The following TLK1 variants were observed in gnomAD, a reference collection of about 807,000 sequenced individuals.
The protein encoded by TLK1 is serine/threonine-protein kinase tousled-like 1.
A neutral mutation model predicts 105.3 loss-of-function variants in TLK1; 24 were observed. The observed-to-expected ratio is 0.23, with a 90% CI of 0.17 to 0.32. TLK1 has a LOEUF of 0.32. Among genes scored for constraint, TLK1 ranks in the 10% least tolerant of loss-of-function variants. The probability of loss-of-function intolerance (pLI) is 1.00; values close to 1 mark genes in which losing one functional copy is unlikely to be tolerated. For missense variants in TLK1, 558 were observed against 910.5 expected, an observed-to-expected ratio of 0.61 and a Z score of 4.98; for synonymous variants, 321 against 310.4, an observed-to-expected ratio of 1.03 and a Z score of -0.36.
rs143684570 is a variant in TLK1 at position 171,160,841 on chromosome 2, A to AGGC, written c.-416_-414dup. The AGGC allele has an allele frequency of 0.053, 16,938 of 321,552 alleles. 1,167 individuals carry two copies. Among genetic ancestry groups the AGGC allele is most frequent in the East Asian group, 0.27 (4,700 of 17,728 alleles). The allele number at this position is 321,552 out of a possible 1,614,324, so 19.9% of individuals were successfully genotyped here. On this transcript the variant is annotated 5_prime_UTR_variant, in exon 1 of 21. Coordinates refer to ENST00000431350, the MANE Select transcript of TLK1 (RefSeq NM_012290.5). This position sits in a 1 kb window ranked among gnomAD's most constrained non-coding sequence, Gnocchi z 4.4. Reference sequence around the variant, plus strand: ...GCGTCGGCCCCCGGCGTCGCCCGGGAGGCGGCGGCGGCGGGCTGTGGGTGG... The same window carrying AGGC: ...GCGTCGGCCCCCGGCGTCGCCCGGGAGGCGGCGGCGGCGGCGGGCTGTGGGTGG...
At chr2:171,220,184 C>T (rs1369298694) in intron 1 of TLK1, among the ~76,000 whole-genome samples, 5 of 151,548 alleles carry the variant, frequency 3.3e-5, no homozygotes, top group Non-Finnish European at 7.4e-5. Flanking sequence ...ATAACATTTC[C>T]ATGTAAGATA....
chr2:171,015,411 TACAAACACAC>T (rs1685126729), intron 12 of TLK1, among the ~76,000 whole-genome samples: 3 of 110,572 alleles, frequency 2.7e-5, no homozygotes, highest in African/African-American at 7.2e-5. Flanking sequence ...GCATTTGGAG[TACAAACACAC>T]ACACACACAC....
chr2:171,103,646 TAAC>T (rs1689794206), intron 2 of TLK1, among the ~76,000 whole-genome samples: 1 of 152,226 alleles, frequency 6.6e-6, no homozygotes, highest in Non-Finnish European at 1.5e-5. Context: ...TGTTTCTTGT[TAAC>T]AGCCTGTAGA....
At chr2:171,155,639 G>GT (rs1558972434) in intron 1 of TLK1, 2 of 152,068 alleles carry the variant, frequency 1.3e-5, no homozygotes, top group Non-Finnish European at 2.9e-5. Flanking sequence ...AGCACTCATC[G>GT]TAAGAATCTA....
chr2:171,003,625 G>A (rs1010043541), intron 18 of TLK1, among the ~76,000 whole-genome samples: 3 of 151,864 alleles, frequency 2.0e-5, no homozygotes, highest in African/African-American at 7.3e-5. Flanking sequence ...GAGATTAATT[G>A]CTCGGAGATT....
chr2:171,207,246 A>G (rs1693523533), intron 1 of TLK1, among the ~76,000 whole-genome samples: 1 of 152,276 alleles, frequency 6.6e-6, no homozygotes, highest in Non-Finnish European at 1.5e-5. Context: ...ATGAAAAGAC[A>G]TGGATGAAAC....
chr2:171,087,151 G>T lies in TLK1; in HGVS notation c.259-4299C>A, dbSNP rs186702643. On this transcript the variant is annotated intron_variant, in intron 2 of 20. Transcript: ENST00000431350. ...CAATAAAAATTTGTAATCATATGAAGAAACAAGAAAAAGTGACCCATACTC... is the reference window on the plus strand; with the variant it reads ...CAATAAAAATTTGTAATCATATGAATAAACAAGAAAAAGTGACCCATACTC... Among the ~76,000 whole-genome samples, 4 of 152,210 alleles carry T rather than the reference G, an allele frequency of 2.6e-5. No homozygotes were observed. The East Asian group carries it at 5.8e-4, about 22-fold the overall frequency.
intron 1 of TLK1, among the ~76,000 whole-genome samples, chr2:171,193,698 G>A (rs928590405): frequency 8.1e-6 from 1 of 123,694 alleles, no homozygotes; most frequent in Non-Finnish European, 1.6e-5. Context: ...ACAGCGCCTG[G>A]CATTTTTTTT....
At chr2:171,136,394 CACA>C (rs1469062875) in intron 1 of TLK1, among the ~76,000 whole-genome samples, 1 of 152,130 alleles carries the variant, frequency 6.6e-6, no homozygotes, top group Non-Finnish European at 1.5e-5. Context: ...AGATTAGCTG[CACA>C]ACAACAGGAA....
At chr2:171,042,436 T>C (rs901744386) in intron 11 of TLK1, among the ~76,000 whole-genome samples, 1 of 151,886 alleles carries the variant, frequency 6.6e-6, no homozygotes, top group African/African-American at 2.4e-5. Context: ...TTTGTAAGGA[T>C]AGGGTCTTGC....
chr2:171,128,878 G>T (rs1690978916), intron 1 of TLK1, among the ~76,000 whole-genome samples: 2 of 152,126 alleles, frequency 1.3e-5, no homozygotes, highest in African/African-American at 2.4e-5. Flanking sequence ...TTGAGACACT[G>T]AAAGGTTAAG....
At chr2:171,197,968 CCAGA>C (rs1306863769) in intron 1 of TLK1, among the ~76,000 whole-genome samples, 3 of 152,230 alleles carry the variant, frequency 2.0e-5, no homozygotes, top group Admixed American at 6.5e-5. Context: ...AACAACTGCA[CCAGA>C]CAAAGTTTCC....
intron 1 of TLK1, among the ~76,000 whole-genome samples, chr2:171,129,892 A>G (rs774637701): frequency 1.5e-5 from 2 of 129,530 alleles, no homozygotes; most frequent in Non-Finnish European, 3.4e-5. Context: ...TAACATGGGT[A>G]AAATTCTAAA....
chr2:170,994,328 T>C (rs1683943333), intron 20 of TLK1, among the ~76,000 whole-genome samples: 1 of 152,180 alleles, frequency 6.6e-6, no homozygotes, highest in Non-Finnish European at 1.5e-5. Context: ...TAAGATGCCA[T>C]TTTCAACCAT....
intron 2 of TLK1, among the ~76,000 whole-genome samples, chr2:171,088,805 A>G (rs1349542419): frequency 6.6e-6 from 1 of 152,238 alleles, no homozygotes; most frequent in Non-Finnish European, 1.5e-5. Flanking sequence ...CAAAAATTTC[A>G]CTACCCATAT....
chr2:171,162,534 A>G (rs1209699070), upstream of TLK1, among the ~76,000 whole-genome samples: 1 of 152,200 alleles, frequency 6.6e-6, no homozygotes, highest in African/African-American at 2.4e-5. Flanking sequence ...CGAGACTCCT[A>G]GACTCTGTCT....
intron 2 of TLK1, among the ~76,000 whole-genome samples, chr2:171,112,309 C>T (rs1210432301): frequency 2.0e-5 from 3 of 152,094 alleles, no homozygotes; most frequent in African/African-American, 7.2e-5. Context: ...GAAATACAAA[C>T]AAGGTTCAAC....
intron 1 of TLK1, among the ~76,000 whole-genome samples, chr2:171,201,546 G>A (rs1693398053): frequency 6.6e-6 from 1 of 152,160 alleles, no homozygotes; most frequent in Admixed American, 6.5e-5. Context: ...CAATTGGCAA[G>A]AAGCTCACTA....
chr2:171,211,037 T>A (rs1408192628), intron 1 of TLK1, among the ~76,000 whole-genome samples: 1 of 152,198 alleles, frequency 6.6e-6, no homozygotes, highest in Non-Finnish European at 1.5e-5. Context: ...TCTCCTATGA[T>A]CTTTGCGGTG....
Sources: gnomAD v4.1 joint callset for allele counts (sites outside exome capture counted in the v4.1 genomes callset) on GRCh38, gnomAD v4.1.1 for gene constraint, Gnocchi (gnomAD v3.1) non-coding constraint, MANE v1.5 for transcripts, NCBI Gene and HGNC (gene_info 2026-07-23, HGNC 2026-07-21) for gene names.